Variants in GALNTL6 observed in about 807,000 individuals in gnomAD.
The protein encoded by GALNTL6 is polypeptide N-acetylgalactosaminyltransferase like 6.
In GALNTL6, 46 loss-of-function variants were observed where a neutral mutation model predicts 73.7. The ratio of observed to expected loss-of-function variants is 0.62; its 90% CI spans 0.49 to 0.80. The LOEUF (loss-of-function observed/expected upper bound fraction) is 0.80, where lower values mean the gene tolerates loss of function less well. GALNTL6 is among the 30% of genes least tolerant of loss of function. The probability of loss-of-function intolerance (pLI) is 0.00; values close to 1 mark genes in which losing one functional copy is unlikely to be tolerated. For missense variants in GALNTL6, 604 were observed against 755.0 expected, an observed-to-expected ratio of 0.80 and a Z score of 2.34; for synonymous variants, 259 against 263.7, an observed-to-expected ratio of 0.98 and a Z score of 0.17.
chr4:172,390,857 G>A (rs1743642633), intron 5 of GALNTL6, among the ~76,000 whole-genome samples: 1 of 152,114 alleles, frequency 6.6e-6, no homozygotes, highest in East Asian at 1.9e-4. Flanking sequence ...GAGGCTCCTA[G>A]GAGCTTTGAT....
intron 2 of GALNTL6, among the ~76,000 whole-genome samples, chr4:171,920,959 T>A (rs949052936): frequency 6.6e-6 from 1 of 152,164 alleles, no homozygotes; most frequent in Non-Finnish European, 1.5e-5. Flanking sequence ...ATGCGCATTG[T>A]AAAATCTATC....
chr4:171,999,918 T>C (rs1740621648), intron 2 of GALNTL6, among the ~76,000 whole-genome samples: 1 of 152,182 alleles, frequency 6.6e-6, no homozygotes, highest in African/African-American at 2.4e-5. Context: ...ATTCATAATA[T>C]GTAAGAGATT....
Position 172,848,047 on chromosome 4 carries a change from C to T in GALNTL6, c.923+34324C>T, listed in dbSNP as rs112486778. On this transcript the variant is annotated intron_variant, in intron 7 of 12. Coordinates refer to ENST00000506823, the MANE Select transcript of GALNTL6 (RefSeq NM_001034845.3). ...TGTATACAAAGGTGAAGGTGACACC[C>T]ATGTTTATGTCTTAGTCCAAAATTT... Among the ~76,000 whole-genome samples, 827 of 152,310 alleles carry T rather than the reference C, an allele frequency of 5.4e-3. 9 individuals are homozygous for T. The highest frequency in any genetic ancestry group is 0.018 in the African/African-American group (753 of 41,582).
intron 5 of GALNTL6, among the ~76,000 whole-genome samples, chr4:172,690,247 C>T (rs568108235): frequency 6.6e-6 from 1 of 152,188 alleles, no homozygotes; most frequent in East Asian, 1.9e-4. Flanking sequence ...TAAAAAGTAA[C>T]TTCTTATTCT....
At chr4:172,524,430 TAG>T (rs1274030102) in intron 5 of GALNTL6, among the ~76,000 whole-genome samples, 4 of 152,124 alleles carry the variant, frequency 2.6e-5, no homozygotes, top group Non-Finnish European at 1.5e-5. Context: ...TTTGTATTTT[TAG>T]TAAAGACAGG....
chr4:172,378,605 T>A (rs924516239), intron 5 of GALNTL6, among the ~76,000 whole-genome samples: 2 of 152,122 alleles, frequency 1.3e-5, no homozygotes, highest in African/African-American at 2.4e-5. Context: ...TTAAAAAAAA[T>A]TGATATATAT....
chr4:172,024,087 G>C (rs111296063), intron 2 of GALNTL6, among the ~76,000 whole-genome samples: 2 of 151,792 alleles, frequency 1.3e-5, no homozygotes, highest in African/African-American at 4.8e-5. Context: ...TTCTGCTTAG[G>C]TTTTAGGGTG....
intron 2 of GALNTL6, among the ~76,000 whole-genome samples, chr4:172,114,961 A>G (rs1732948255): frequency 6.6e-6 from 1 of 152,058 alleles, no homozygotes; most frequent in Non-Finnish European, 1.5e-5. Context: ...CTCCCTGCTA[A>G]AAAAAGAAAA....
At chr4:172,242,165 A>G (rs927949696) in intron 3 of GALNTL6, among the ~76,000 whole-genome samples, 13 of 152,270 alleles carry the variant, frequency 8.5e-5, no homozygotes. Flanking sequence ...TTATGGAACT[A>G]TAGATCTAAC....
At chr4:172,160,287 A>G (rs1734413149) in intron 2 of GALNTL6, among the ~76,000 whole-genome samples, 1 of 152,024 alleles carries the variant, frequency 6.6e-6, no homozygotes. Context: ...CCTATCATAT[A>G]GTAGTAAGCC....
intron 2 of GALNTL6, among the ~76,000 whole-genome samples, chr4:172,056,167 T>C (rs1413355632): frequency 1.3e-5 from 2 of 152,150 alleles, no homozygotes; most frequent in Non-Finnish European, 2.9e-5. Context: ...TGCTGCCATT[T>C]AGCCATTTTA....
chr4:172,267,709 AAC>A (rs1738496733), intron 3 of GALNTL6, among the ~76,000 whole-genome samples: 2 of 152,134 alleles, frequency 1.3e-5, no homozygotes, highest in African/African-American at 4.8e-5. Flanking sequence ...CATTTAAATC[AAC>A]CAACCTAGCT....
intron 2 of GALNTL6, among the ~76,000 whole-genome samples, chr4:171,947,426 T>TCTAG (rs1302440533): frequency 6.6e-6 from 1 of 151,668 alleles, no homozygotes; most frequent in Non-Finnish European, 1.5e-5. Flanking sequence ...TAGTAATATA[T>TCTAG]CTAGGTCAGA....
chr4:172,523,545 T>G (rs1734854273), intron 5 of GALNTL6, among the ~76,000 whole-genome samples: 1 of 151,956 alleles, frequency 6.6e-6, no homozygotes, highest in South Asian at 2.1e-4. Context: ...TTGTATTTTT[T>G]GTAGAGACAT....
intron 2 of GALNTL6, among the ~76,000 whole-genome samples, chr4:172,100,305 A>G (rs896556135): frequency 6.6e-6 from 1 of 152,110 alleles, no homozygotes; most frequent in African/African-American, 2.4e-5. Context: ...TAATATTATT[A>G]TGAATCCAAG....
chr4:172,254,457 C>T (rs1476637354), intron 3 of GALNTL6, among the ~76,000 whole-genome samples: 4 of 139,890 alleles, frequency 2.9e-5, no homozygotes, highest in Non-Finnish European at 6.1e-5. Flanking sequence ...CCATTTTCCT[C>T]TCAGCTTTTA....
intron 5 of GALNTL6, among the ~76,000 whole-genome samples, chr4:172,807,210 G>A (rs1024647769): frequency 4.6e-5 from 7 of 152,152 alleles, no homozygotes; most frequent in African/African-American, 1.4e-4. Flanking sequence ...AGAGGGGCAG[G>A]AGCAAAGAGG....
intron 5 of GALNTL6, among the ~76,000 whole-genome samples, chr4:172,373,733 G>A (rs942906278): frequency 1.3e-5 from 2 of 152,176 alleles, no homozygotes; most frequent in African/African-American, 4.8e-5. Flanking sequence ...TAATAAGGGT[G>A]TGGGACTTTC....
At chr4:171,974,191 C>A (rs1739651381) in intron 2 of GALNTL6, among the ~76,000 whole-genome samples, 1 of 151,620 alleles carries the variant, frequency 6.6e-6, no homozygotes, top group Admixed American at 6.6e-5. Flanking sequence ...TTTTAATAAT[C>A]CGTGTATTCT....
Sources: allele counts gnomAD v4.1 joint callset (sites outside exome capture counted in the v4.1 genomes callset), GRCh38; gene constraint gnomAD v4.1.1; transcripts MANE v1.5; gene names NCBI Gene and HGNC (gene_info 2026-07-23, HGNC 2026-07-21).